MICU1: variants seen among roughly 807,000 people sequenced by gnomAD.
The protein encoded by MICU1 is mitochondrial calcium uptake 1.
In MICU1, 45 loss-of-function variants were observed where a neutral mutation model predicts 56.8. The observed-to-expected ratio is 0.79, with a 90% CI of 0.62 to 1.02. The LOEUF (loss-of-function observed/expected upper bound fraction) is 1.02, where lower values mean the gene tolerates loss of function less well. Ranked by LOEUF, MICU1 falls within the 50% of genes least tolerant of loss-of-function variation. MICU1 has a pLI of 0.00. For missense variants in MICU1, 504 were observed against 587.1 expected (o/e 0.86, Z 1.46); for synonymous variants, 186 against 195.1 (o/e 0.95, Z 0.39).
intron 11 of MICU1, 37 bp downstream of exon 11, chr10:72,375,746 G>A (rs1471185584): frequency 1.3e-6 from 2 of 1,588,288 alleles, no homozygotes; most frequent in South Asian, 2.3e-5. Context: ...GGGCAGCTAG[G>A]CTGTTTCCCC....
intron 1 of MICU1, among the ~76,000 whole-genome samples, chr10:72,616,996 C>A (rs1841998295): frequency 6.6e-6 from 1 of 152,188 alleles, no homozygotes; most frequent in African/African-American, 2.4e-5. Flanking sequence ...CATTTCTTTC[C>A]TATCTTTCAG....
chr10:72,399,469 TAAATA>T (rs1210676690), intron 10 of MICU1, among the ~76,000 whole-genome samples: 3 of 151,670 alleles, frequency 2.0e-5, no homozygotes, highest in Non-Finnish European at 2.9e-5. Context: ...AATAAATAAA[TAAATA>T]AAATAAAATA....
intron 6 of MICU1, 117 bp downstream of exon 6, chr10:72,508,038 T>C: frequency 2.0e-6 from 1 of 502,616 alleles, no homozygotes; most frequent in Non-Finnish European, 3.2e-6. Flanking sequence ...ATGTAACTTA[T>C]AATTCATTAT....
At chr10:72,600,648 CAAA>C (rs71021514) in intron 1 of MICU1, among the ~76,000 whole-genome samples, 2 of 105,604 alleles carry the variant, frequency 1.9e-5, no homozygotes, top group Non-Finnish European at 3.7e-5. Context: ...GACTCCGTCT[CAAA>C]AAAAAAAAAA....
rs1840489551 is a variant in MICU1, at chr10:72,568,065, G to GTA, written c.-1-1273_-1-1272dup. On this transcript the variant is annotated intron_variant, in intron 1 of 11. Transcript: ENST00000361114. ...CCATACTTCAATGTCTCGGAGTTAG[G>GTA]TAGGGAGACTTCAACCTAGGAGGGG... Among the ~76,000 whole-genome samples, 10 of 152,188 alleles carry GTA rather than the reference G, an allele frequency of 6.6e-5. No homozygotes were observed. In the South Asian group the frequency reaches 2.1e-3, roughly 32 times the overall value.
chr10:72,531,987 GC>G (rs1839499904), intron 5 of MICU1, among the ~76,000 whole-genome samples: 1 of 147,878 alleles, frequency 6.8e-6, no homozygotes, highest in African/African-American at 2.5e-5. Flanking sequence ...TGCAACCTCT[GC>G]CTCCTGGGTT....
At chr10:72,495,633 C>T (rs999519377) in intron 6 of MICU1, among the ~76,000 whole-genome samples, 4 of 103,312 alleles carry the variant, frequency 3.9e-5, no homozygotes, top group Non-Finnish European at 7.2e-5. Flanking sequence ...CCAGCCTGGG[C>T]AACAAGAGTG....
chr10:72,436,658 A>G (rs956195228), intron 8 of MICU1, among the ~76,000 whole-genome samples: 1 of 152,090 alleles, frequency 6.6e-6, no homozygotes, highest in African/African-American at 2.4e-5. Context: ...GAAGCTAAAA[A>G]CCTTGAAAAA....
At chr10:72,525,317 T>C (rs1412309271) in intron 5 of MICU1, among the ~76,000 whole-genome samples, 1 of 152,176 alleles carries the variant, frequency 6.6e-6, no homozygotes, top group African/African-American at 2.4e-5. Context: ...ATTTGACCTA[T>C]ATTTACCATC....
intron 4 of MICU1, among the ~76,000 whole-genome samples, chr10:72,544,729 A>G (rs1839857210): frequency 1.3e-5 from 2 of 152,312 alleles, no homozygotes; most frequent in Middle Eastern, 3.4e-3. Context: ...TGACATTCAG[A>G]CTTCATAGAG....
At chr10:72,395,683 G>A (rs929364989) in intron 10 of MICU1, among the ~76,000 whole-genome samples, 2 of 152,318 alleles carry the variant, frequency 1.3e-5, no homozygotes, top group South Asian at 2.1e-4. Flanking sequence ...CACTGCTAGC[G>A]CAGCAGTCTG....
chr10:72,418,341 G>A (rs1200110324), intron 9 of MICU1, among the ~76,000 whole-genome samples: 1 of 152,080 alleles, frequency 6.6e-6, no homozygotes, highest in Non-Finnish European at 1.5e-5. Context: ...TTTGAAGAGG[G>A]CCCAAACAAC....
intron 8 of MICU1, among the ~76,000 whole-genome samples, chr10:72,460,669 C>G (rs967425389): frequency 3.9e-5 from 6 of 152,156 alleles, no homozygotes; most frequent in African/African-American, 1.4e-4. Context: ...AATTCATTCA[C>G]AAATGACTGC....
intron 6 of MICU1, among the ~76,000 whole-genome samples, chr10:72,490,555 G>A (rs1282311179): frequency 6.6e-6 from 1 of 152,126 alleles, no homozygotes; most frequent in Non-Finnish European, 1.5e-5. Context: ...AGTTCCCTTT[G>A]TTCCACAGAC....
chr10:72,579,284 C>T (rs1840835559), intron 1 of MICU1, among the ~76,000 whole-genome samples: 1 of 152,128 alleles, frequency 6.6e-6, no homozygotes, highest in Non-Finnish European at 1.5e-5. Flanking sequence ...AAGATCAAGG[C>T]ACCAGCAGAT....
chr10:72,569,237 A>ATATATATATATATTTTTTTTTTTT, intron 1 of MICU1, among the ~76,000 whole-genome samples: 1 of 34,392 alleles, frequency 2.9e-5, no homozygotes, highest in Non-Finnish European at 5.1e-5. Flanking sequence ...ATATATATAT[A>ATATATATATATATTTTTTTTTTTT]TTTTTTTTTT....
At chr10:72,578,768 C>T (rs887439576) in intron 1 of MICU1, among the ~76,000 whole-genome samples, 7 of 151,686 alleles carry the variant, frequency 4.6e-5, no homozygotes, top group Non-Finnish European at 1.0e-4. Context: ...CCACCACACC[C>T]GGCTAATTTT....
At chr10:72,477,109 C>G in intron 7 of MICU1, 65 bp downstream of exon 7, 3 of 1,283,064 alleles carry the variant, frequency 2.3e-6, no homozygotes, top group Non-Finnish European at 3.2e-6. Context: ...TAAGGTAACT[C>G]CAAGGCACAT....
At chr10:72,494,253 C>T (rs998515416) in intron 6 of MICU1, among the ~76,000 whole-genome samples, 1 of 152,052 alleles carries the variant, frequency 6.6e-6, no homozygotes, top group Non-Finnish European at 1.5e-5. Context: ...TTAGACAAGC[C>T]CATGCCCTGG....
Sources: allele counts gnomAD v4.1 joint callset (sites outside exome capture counted in the v4.1 genomes callset), GRCh38; gene constraint gnomAD v4.1.1; transcripts MANE v1.5; gene names NCBI Gene and HGNC (gene_info 2026-07-23, HGNC 2026-07-21).